The following HAPLN1 variants were observed in gnomAD, a reference collection of about 807,000 sequenced individuals.
HAPLN1 encodes the protein hyaluronan and proteoglycan link protein 1.
A neutral mutation model predicts 36.5 loss-of-function variants in HAPLN1; 13 were observed. The ratio of observed to expected loss-of-function variants is 0.36; its 90% confidence interval spans 0.23 to 0.57. The LOEUF (loss-of-function observed/expected upper bound fraction) is 0.57. Among genes scored for constraint, HAPLN1 ranks in the 20% least tolerant of loss-of-function variants. The pLI, the probability that HAPLN1 is intolerant of heterozygous loss-of-function variation, is 0.83. For missense variants in HAPLN1, 407 were observed against 439.7 expected (o/e 0.93, Z 0.66); for synonymous variants, 202 against 169.8 (o/e 1.19, Z -1.48).
intron 1 of HAPLN1, among the ~76,000 whole-genome samples, chr5:83,689,773 T>C (rs1197948537): frequency 6.6e-6 from 1 of 152,148 alleles, no homozygotes; most frequent in Non-Finnish European, 1.5e-5. Context: ...TGTGTGTGCA[T>C]GCACCTATAA....
intron 1 of HAPLN1, among the ~76,000 whole-genome samples, chr5:83,681,379 T>G (rs1750994593): frequency 6.6e-6 from 1 of 152,148 alleles, no homozygotes; most frequent in Non-Finnish European, 1.5e-5. Flanking sequence ...TAAAGGAATG[T>G]TCTGGGAATT....
intron 2 of HAPLN1, among the ~76,000 whole-genome samples, chr5:83,669,208 A>G (rs1750633842): frequency 6.6e-6 from 1 of 152,218 alleles, no homozygotes. Flanking sequence ...ATAATATTTA[A>G]TGTGACTGGG....
intron 1 of HAPLN1, chr5:83,703,476 A>C (rs1237919914): frequency 6.6e-6 from 1 of 152,108 alleles, no homozygotes; most frequent in Non-Finnish European, 1.5e-5. Context: ...CACACACTAA[A>C]ATTGGAATGA....
At chr5:83,664,110 C>A (rs115128862) in intron 2 of HAPLN1, among the ~76,000 whole-genome samples, 128 of 152,300 alleles carry the variant, frequency 8.4e-4, no homozygotes, top group African/African-American at 3.0e-3. Context: ...TCTGAAAGCA[C>A]AACCTCCCCT....
chr5:83,664,762 G>C (rs1750508912), intron 2 of HAPLN1, among the ~76,000 whole-genome samples: 1 of 151,960 alleles, frequency 6.6e-6, no homozygotes, highest in South Asian at 2.1e-4. Context: ...GCCAAATAAT[G>C]AGTTATAAGA....
chr5:83,686,035 C>T (rs1038962985), intron 1 of HAPLN1: 6 of 150,610 alleles, frequency 4.0e-5, no homozygotes, highest in African/African-American at 1.2e-4. Flanking sequence ...TGATTTTCAC[C>T]GTCATTTCCT....
In HAPLN1 at chr5:83,641,526, A is replaced by G. The variant is rs1432051126; in HGVS notation, c.1035T>C (p.Tyr345=). 6.2e-7 allele frequency: 1 copy of G among 1,613,466 alleles called. No homozygotes were observed. The highest frequency in any genetic ancestry group is 1.7e-5 in the Admixed American group (1 of 60,000). ...VGFPDKKHKL[Y]GVYCFRAYN ...TGTATGCTCTGAAGCAGTAGACACC[A>G]TACAGCTTATGCTTTTTATCTGGGA... The change falls in exon 5 of 5, where the codon TAT becomes TAC. Residue 345 remains tyrosine, a synonymous_variant. Coordinates refer to ENST00000274341, the MANE Select transcript of HAPLN1 (RefSeq NM_001884.4).
At position 83,691,601 on chromosome 5, in the gene HAPLN1, A is replaced by G. The variant is rs558552818; in HGVS notation, c.-26-18052T>C. On this transcript the variant is annotated intron_variant, in intron 1 of 4. Coordinates refer to ENST00000274341, the MANE Select transcript of HAPLN1 (RefSeq NM_001884.4). ...GACCTGAAAGAATCAAACTGTTTCT[A>G]AGTACCTTAACCATATCTCTGAACA... is the stretch of plus-strand genomic sequence containing the variant. 1.1e-4 allele frequency among the ~76,000 whole-genome samples: 17 copies of G among 152,168 alleles called. No homozygotes were observed. The East Asian group carries it at 3.3e-3, about 29-fold the overall frequency.
In HAPLN1 at chr5:83,709,539, G is replaced by T. The variant is rs566807340; in HGVS notation, c.-27+11250C>A. On this transcript the variant is annotated intron_variant, in intron 1 of 4. Transcript: ENST00000274341. ...TTTAGATTCAGGGAGTGCATGTGCT[G>T]GTTTGTTGCAAGGGTATGCTGCATG... is the stretch of plus-strand genomic sequence containing the variant. 2.2e-5 allele frequency among the ~76,000 whole-genome samples: 3 copies of T among 137,932 alleles called. No individual in the cohort carries two copies. In the South Asian group the frequency reaches 6.7e-4, roughly 31 times the overall value. 90.5% of individuals were successfully genotyped at this position (137,932 alleles called of 152,430 possible). A position where few individuals can be genotyped will look rare whatever the true frequency, so the allele number is the denominator to read the frequency against.
chr5:83,643,326 G>T (rs1364038631), intron 4 of HAPLN1, among the ~76,000 whole-genome samples: 1 of 148,820 alleles, frequency 6.7e-6, no homozygotes, highest in Non-Finnish European at 1.5e-5. Context: ...CTCCAGCCTG[G>T]GTGACAGACA....
Position 83,652,538 on chromosome 5 carries a change from G to A in HAPLN1, c.387C>T (p.Leu129=). ...DSDASLVITD[L]TLEDYGRYKC... is the part of the protein sequence containing the mutation. Reference sequence around the variant, plus strand: ...TATATCTCCCATAATCTTCCAGAGTGAGGTCTGTGATGACCAGAGAAGCAT... The same window carrying A: ...TATATCTCCCATAATCTTCCAGAGTAAGGTCTGTGATGACCAGAGAAGCAT... Residue 129 remains leucine, a synonymous_variant, in exon 3 of 5, where the codon CTC becomes CTT. Coordinates refer to ENST00000274341, the MANE Select transcript of HAPLN1 (RefSeq NM_001884.4). The A allele has an allele frequency of 6.2e-7, 1 of 1,614,132 alleles. No individual in the cohort carries two copies.
chr5:83,670,608 A>G (rs955167275), intron 2 of HAPLN1, among the ~76,000 whole-genome samples: 1 of 152,162 alleles, frequency 6.6e-6, no homozygotes, highest in Non-Finnish European at 1.5e-5. Flanking sequence ...TACCAGAGAA[A>G]TGTTTTTCAC....
chr5:83,710,886 G>A (rs531468968), intron 1 of HAPLN1, among the ~76,000 whole-genome samples: 56 of 152,214 alleles, frequency 3.7e-4, no homozygotes, highest in African/African-American at 1.3e-3. Flanking sequence ...ACGAGGCAGA[G>A]GTTTCAATGA....
intron 1 of HAPLN1, among the ~76,000 whole-genome samples, chr5:83,690,408 G>A (rs2112619341): frequency 6.6e-6 from 1 of 152,160 alleles, no homozygotes; most frequent in South Asian, 2.1e-4. Context: ...AGTGTAAGAT[G>A]TTATTTGAAG....
chr5:83,715,402 G>A (rs1222595194), intron 1 of HAPLN1, among the ~76,000 whole-genome samples: 1 of 152,064 alleles, frequency 6.6e-6, no homozygotes, highest in African/African-American at 2.4e-5. Context: ...AGAAGGCTTG[G>A]GTAAATGCAA....
intron 1 of HAPLN1, among the ~76,000 whole-genome samples, chr5:83,710,452 C>G (rs1336824684): frequency 1.3e-5 from 2 of 151,668 alleles, no homozygotes; most frequent in African/African-American, 4.9e-5. Context: ...TGCTGAGGAG[C>G]ATTTCAATGG....
chr5:83,689,090 A>G (rs1007874610), intron 1 of HAPLN1, among the ~76,000 whole-genome samples: 2 of 152,116 alleles, frequency 1.3e-5, no homozygotes, highest in Non-Finnish European at 2.9e-5. Context: ...TGCATAGTCT[A>G]CCTTATTTAA....
intron 1 of HAPLN1, among the ~76,000 whole-genome samples, chr5:83,677,593 C>G (rs1051917639): frequency 4.6e-5 from 7 of 151,598 alleles, no homozygotes; most frequent in African/African-American, 1.7e-4. Context: ...CCTTTGGCAA[C>G]CTGACAAACT....
chr5:83,675,595 T>G (rs909984158), intron 1 of HAPLN1, among the ~76,000 whole-genome samples: 15 of 152,208 alleles, frequency 9.9e-5, no homozygotes, highest in African/African-American at 3.1e-4. Context: ...TGTATCTCCT[T>G]TAGTTCCATA....
Sources: allele counts gnomAD v4.1 joint callset (sites outside exome capture counted in the v4.1 genomes callset), GRCh38; gene constraint gnomAD v4.1.1; transcripts MANE v1.5; gene names NCBI Gene and HGNC (gene_info 2026-07-23, HGNC 2026-07-21).